The following EYA2 variants were observed in gnomAD, a reference collection of about 807,000 sequenced individuals.
EYA2 encodes EYA transcriptional coactivator and phosphatase 2.
A neutral mutation model predicts 69.2 loss-of-function variants in EYA2; 31 were observed. That is an observed-to-expected ratio of 0.45 (90% CI 0.34 to 0.60). The LOEUF is 0.60. Among genes scored for constraint, EYA2 ranks in the 20% least tolerant of loss-of-function variants. The pLI is 0.02. For missense variants in EYA2, 622 were observed against 701.2 expected, an observed-to-expected ratio of 0.89 and a Z score of 1.28; for synonymous variants, 257 against 279.4, an observed-to-expected ratio of 0.92 and a Z score of 0.80.
At chr20:46,937,927 C>T (rs1985988945) in intron 1 of EYA2, among the ~76,000 whole-genome samples, 1 of 152,146 alleles carries the variant, frequency 6.6e-6, no homozygotes, top group Non-Finnish European at 1.5e-5. Flanking sequence ...AAGGTGTATC[C>T]TATGGGGAGC....
intron 1 of EYA2, chr20:46,979,390 CTCTT>C (rs1439792778): frequency 6.6e-6 from 1 of 152,292 alleles, no homozygotes; most frequent in Non-Finnish European, 1.5e-5. Context: ...TCCTGAATGC[CTCTT>C]TCTTCCCGCT....
At chr20:46,953,833 G>A (rs1206760) in intron 1 of EYA2, among the ~76,000 whole-genome samples, 84,368 of 151,974 alleles carry the variant, frequency 0.56, 24,060 homozygotes, top group African/African-American at 0.62. Context: ...CATAGATCGC[G>A]TGAATAAGTA....
intron 9 of EYA2, among the ~76,000 whole-genome samples, chr20:47,107,334 G>T (rs537912256): frequency 2.0e-4 from 30 of 151,750 alleles, no homozygotes; most frequent in African/African-American, 7.3e-4. Context: ...AGACCAGCCT[G>T]CCCGTTATGG....
At chr20:47,175,174 C>A (rs960914611) in intron 12 of EYA2, among the ~76,000 whole-genome samples, 2 of 152,236 alleles carry the variant, frequency 1.3e-5, no homozygotes, top group Non-Finnish European at 2.9e-5. Flanking sequence ...CTTCCCCAAC[C>A]CAGCTGTTCC....
In EYA2 at chr20:47,057,481, T is replaced by C. The variant is rs1019109636; in HGVS notation, c.416-14704T>C. On this transcript the variant is annotated intron_variant, in intron 5 of 15. Coordinates refer to ENST00000327619, the MANE Select transcript of EYA2 (RefSeq NM_005244.5). ...ACCCACTTGTGGCTTTTCCATTCTA[T>C]ACATTATCTGCTGACTACTTTTTAT... 7.3e-5 allele frequency among the ~76,000 whole-genome samples: 11 copies of C among 150,684 alleles called. No individual in the cohort carries two copies. The South Asian group carries it at 2.3e-3, about 32-fold the overall frequency.
At chr20:47,173,411 G>A (rs751091256) in intron 12 of EYA2, among the ~76,000 whole-genome samples, 3 of 150,758 alleles carry the variant, frequency 2.0e-5, no homozygotes, top group African/African-American at 7.4e-5. Context: ...AGCATCCCCC[G>A]GAGCTGGTTA....
chr20:46,909,103 C>T (rs1026133113), intron 1 of EYA2, among the ~76,000 whole-genome samples: 2 of 151,924 alleles, frequency 1.3e-5, no homozygotes, highest in African/African-American at 4.8e-5. Context: ...CAAATCTATC[C>T]TCCTTCGGGT....
intron 1 of EYA2, among the ~76,000 whole-genome samples, chr20:46,934,139 G>A (rs572646715): frequency 1.3e-5 from 2 of 152,340 alleles, no homozygotes; most frequent in African/African-American, 4.8e-5. Context: ...GCATTTATGA[G>A]AGCATTTTGG....
At chr20:46,978,428 G>C (rs550931833) in intron 1 of EYA2, 4 of 378,834 alleles carry the variant, frequency 1.1e-5, no homozygotes, top group African/African-American at 8.4e-5. Flanking sequence ...TGAGGCCTCT[G>C]CAGGGTGAGC....
chr20:47,185,915 G>A (rs942640711), intron 15 of EYA2, among the ~76,000 whole-genome samples: 1 of 151,892 alleles, frequency 6.6e-6, no homozygotes, highest in Non-Finnish European at 1.5e-5. Context: ...CACCTACTAT[G>A]TGTCAAGAGC....
At chr20:46,961,362 A>T (rs1979467427) in intron 1 of EYA2, among the ~76,000 whole-genome samples, 1 of 152,282 alleles carries the variant, frequency 6.6e-6, no homozygotes, top group East Asian at 1.9e-4. Flanking sequence ...TAAAAAATAG[A>T]AATAAAATAA....
At position 47,001,448 on chromosome 20, in the gene EYA2, C is replaced by T; in HGVS notation, c.130C>T (p.Leu44=). 1 of 1,614,206 alleles carries T rather than the reference C, an allele frequency of 6.2e-7. No individual in the cohort carries two copies. The part of the protein sequence containing the change: ...DRQGITKSAP[L]RVSQLFSRSC... ...TGCAGGCATCACCAAATCGGCCCCC[C>T]TGAGAGTGTCCCAGCTCTTCTCCAG... is the stretch of plus-strand genomic sequence containing the variant. Residue 44 remains leucine (L), a synonymous_variant, in exon 3 of 16, where the codon CTG becomes TTG. Coordinates refer to ENST00000327619, the MANE Select transcript of EYA2 (RefSeq NM_005244.5).
At chr20:47,091,611 G>A (rs2032088043) in intron 8 of EYA2, among the ~76,000 whole-genome samples, 1 of 150,590 alleles carries the variant, frequency 6.6e-6, no homozygotes, top group African/African-American at 2.5e-5. Flanking sequence ...CAGCCATGGT[G>A]GCACACACCT....
At chr20:47,030,170 ATGTT>A (rs1409467096) in intron 5 of EYA2, among the ~76,000 whole-genome samples, 4 of 152,292 alleles carry the variant, frequency 2.6e-5, no homozygotes, top group East Asian at 3.9e-4. Flanking sequence ...ATCTGCCTGA[ATGTT>A]TGGTTGGATA....
chr20:47,010,662 T>A (rs115081136), intron 4 of EYA2, among the ~76,000 whole-genome samples: 1,438 of 128,186 alleles, frequency 0.011, 16 homozygotes, highest in African/African-American at 0.038. Flanking sequence ...TATTTTAATA[T>A]GCATTTATAT....
intron 1 of EYA2, among the ~76,000 whole-genome samples, chr20:46,940,699 C>G (rs962038443): frequency 3.3e-5 from 5 of 152,172 alleles, no homozygotes; most frequent in Non-Finnish European, 5.9e-5. Context: ...CACAGCGCTC[C>G]GGGAGGGAAG....
At chr20:47,117,610 CCTGT>C (rs1371264207) in intron 9 of EYA2, 42 of 985,244 alleles carry the variant, frequency 4.3e-5, no homozygotes, top group Non-Finnish European at 4.8e-5. Context: ...GGCGGCTTGG[CCTGT>C]CTGTTACTGC....
chr20:47,151,726 T>C (rs1435840486), intron 10 of EYA2, among the ~76,000 whole-genome samples: 7 of 152,028 alleles, frequency 4.6e-5, no homozygotes, highest in African/African-American at 1.4e-4. Context: ...CTCATACTTA[T>C]GCGGTACATT....
chr20:46,986,121 A>G (rs1198104731), intron 1 of EYA2, among the ~76,000 whole-genome samples: 4 of 151,922 alleles, frequency 2.6e-5, no homozygotes, highest in Admixed American at 1.3e-4. Flanking sequence ...GCACCATACA[A>G]TATGCTTTGA....
Sources: gnomAD v4.1 joint callset for allele counts (sites outside exome capture counted in the v4.1 genomes callset) on GRCh38, gnomAD v4.1.1 for gene constraint, MANE v1.5 for transcripts, NCBI Gene and HGNC (gene_info 2026-07-23, HGNC 2026-07-21) for gene names.